The following UHRF2 variants were observed in gnomAD, a reference collection of about 807,000 sequenced individuals.
UHRF2 encodes ubiquitin like with PHD and ring finger domains 2.
A neutral mutation model predicts 96.8 loss-of-function variants in UHRF2; 23 were observed. The observed-to-expected ratio is 0.24, with a 90% CI of 0.17 to 0.34. The LOEUF (loss-of-function observed/expected upper bound fraction) is 0.34, where lower values mean the gene tolerates loss of function less well. Among genes scored for constraint, UHRF2 ranks in the 10% least tolerant of loss-of-function variants. UHRF2 has a pLI of 1.00. For synonymous variants in UHRF2, 385 were observed against 332.6 expected, an observed-to-expected ratio of 1.16 and a Z score of -1.72; for missense variants, 685 against 981.5, an observed-to-expected ratio of 0.70 and a Z score of 4.04.
At chr9:6,478,874 C>T (rs2130902414) in intron 6 of UHRF2, among the ~76,000 whole-genome samples, 1 of 152,346 alleles carries the variant, frequency 6.6e-6, no homozygotes, top group Non-Finnish European at 1.5e-5. Flanking sequence ...TATGATCACA[C>T]TCTGAATTTT....
At chr9:6,491,602 T>A (rs1390482331) in intron 9 of UHRF2, among the ~76,000 whole-genome samples, 1 of 152,208 alleles carries the variant, frequency 6.6e-6, no homozygotes. Context: ...GGCTGAGAAG[T>A]TTGGGATAAA....
intron 3 of UHRF2, among the ~76,000 whole-genome samples, chr9:6,437,082 T>G (rs1021918962): frequency 6.6e-6 from 1 of 152,212 alleles, no homozygotes; most frequent in African/African-American, 2.4e-5. Context: ...TGTTAAAGTT[T>G]CATTCTTTGT....
Position 6,421,156 on chromosome 9 carries a change from T to G in UHRF2, c.384+14T>G. 1 of 1,568,052 alleles carries G rather than the reference T, an allele frequency of 6.4e-7. No individual in the cohort carries two copies. Among genetic ancestry groups the G allele is most frequent in the Non-Finnish European group, 8.8e-7 (1 of 1,141,896 alleles). ...GGAATATATAAGGTATGTTGTTTTC[T>G]TCAGACTTACTGTTGTGAGAATACA... On this transcript the variant is annotated intron_variant, in intron 2 of 15. Coordinates refer to ENST00000276893, the MANE Select transcript of UHRF2 (RefSeq NM_152896.3).
chr9:6,470,736 A>C (rs1278415218), intron 4 of UHRF2, among the ~76,000 whole-genome samples: 1 of 152,244 alleles, frequency 6.6e-6, no homozygotes, highest in Non-Finnish European at 1.5e-5. Context: ...GTAAAATTTA[A>C]AGTAGATTAT....
At chr9:6,431,864 C>T (rs1820578907) in intron 2 of UHRF2, among the ~76,000 whole-genome samples, 1 of 152,168 alleles carries the variant, frequency 6.6e-6, no homozygotes, top group African/African-American at 2.4e-5. Flanking sequence ...TGTGTTTTTG[C>T]TGTTACCATT....
chr9:6,461,155 A>G (rs1208241977), intron 4 of UHRF2, among the ~76,000 whole-genome samples: 4 of 152,204 alleles, frequency 2.6e-5, no homozygotes, highest in Admixed American at 6.5e-5. Flanking sequence ...GTGGATGACT[A>G]CTTAACCAGC....
intron 9 of UHRF2, among the ~76,000 whole-genome samples, chr9:6,491,594 C>A (rs1824663683): frequency 1.3e-5 from 2 of 152,278 alleles, no homozygotes; most frequent in Admixed American, 1.3e-4. Flanking sequence ...AGGGAGGAGG[C>A]TGAGAAGTTT....
At chr9:6,459,640 G>T (rs982737282) in intron 3 of UHRF2, among the ~76,000 whole-genome samples, 1 of 152,200 alleles carries the variant, frequency 6.6e-6, no homozygotes, top group Non-Finnish European at 1.5e-5. Flanking sequence ...CTGCACTCCA[G>T]CCTGGCTGAC....
At chr9:6,479,206 AT>A (rs1823775180) in intron 6 of UHRF2, among the ~76,000 whole-genome samples, 1 of 151,754 alleles carries the variant, frequency 6.6e-6, no homozygotes, top group African/African-American at 2.4e-5. Context: ...AATTGTTTCC[AT>A]TTCCTCTCCT....
chr9:6,482,719 C>T (rs911603552), intron 8 of UHRF2, among the ~76,000 whole-genome samples: 1 of 151,798 alleles, frequency 6.6e-6, no homozygotes, highest in African/African-American at 2.4e-5. Context: ...GCCTCAGCCT[C>T]CAAAGTAGCT....
intron 9 of UHRF2, among the ~76,000 whole-genome samples, chr9:6,490,621 C>G (rs142313225): frequency 6.6e-6 from 1 of 152,302 alleles, no homozygotes; most frequent in Non-Finnish European, 1.5e-5. Context: ...AAGTGAGACT[C>G]TGTCTTTAAA....
At chr9:6,458,841 G>C (rs1222310200) in intron 3 of UHRF2, among the ~76,000 whole-genome samples, 1 of 152,112 alleles carries the variant, frequency 6.6e-6, no homozygotes, top group Non-Finnish European at 1.5e-5. Flanking sequence ...TGATAGACTG[G>C]ATAAAGAAAA....
At chr9:6,486,781 G>GA in intron 8 of UHRF2, 40 bp from the exon 9 acceptor site, 1 of 1,591,718 alleles carries the variant, frequency 6.3e-7, no homozygotes, top group Non-Finnish European at 8.6e-7. Context: ...TATCTTAACT[G>GA]TTCAGAGGTA....
At position 6,413,606 on chromosome 9, in the gene UHRF2, G is replaced by A. The variant is rs2130692113; in HGVS notation, c.116G>A (p.Arg39Gln). Reference protein sequence around the residue: ...RERVWALFDVRPECQRLFYRG... With the variant: ...RERVWALFDVQPECQRLFYRG... ...CGGGTGTGGGCGCTGTTCGACGTGC[G>A]GCCCGAATGCCAGCGCCTCTTCTAC... Residue 39 changes from arginine to glutamine, a missense_variant, in exon 1 of 16, where the codon CGG (arginine) becomes CAG (glutamine). Physicochemically the swap from Arg to Gln is conservative, Grantham distance 43. This residue lies in a region of UHRF2 where 13 missense variants were observed against 37.3 expected (regional missense o/e 0.35). Coordinates refer to ENST00000276893, the MANE Select transcript of UHRF2 (RefSeq NM_152896.3). The A allele has an allele frequency of 6.3e-7, 1 of 1,599,990 alleles. No homozygotes were observed. Among genetic ancestry groups the A allele is most frequent in the Middle Eastern group, 1.7e-4 (1 of 5,798 alleles).
intron 4 of UHRF2, among the ~76,000 whole-genome samples, chr9:6,463,760 C>G (rs180929440): frequency 6.6e-6 from 1 of 151,888 alleles, no homozygotes; most frequent in South Asian, 2.1e-4. Flanking sequence ...TATGAGCCAC[C>G]GTGTCTGGAG....
At chr9:6,418,144 GTT>G in intron 1 of UHRF2, among the ~76,000 whole-genome samples, 1 of 151,940 alleles carries the variant, frequency 6.6e-6, no homozygotes, top group African/African-American at 2.4e-5. Context: ...TTTGTTTTGG[GTT>G]TTTTTGTGGG....
At chr9:6,465,158 A>T (rs1298826530) in intron 4 of UHRF2, among the ~76,000 whole-genome samples, 2 of 152,182 alleles carry the variant, frequency 1.3e-5, no homozygotes, top group Non-Finnish European at 2.9e-5. Flanking sequence ...TCCAAGAGAA[A>T]ACATATAAAA....
At chr9:6,416,569 G>A (rs1294035684) in intron 1 of UHRF2, among the ~76,000 whole-genome samples, 2 of 117,028 alleles carry the variant, frequency 1.7e-5, no homozygotes, top group Non-Finnish European at 3.3e-5. Context: ...TTGAGACGGA[G>A]TCTCGTTCTG....
In UHRF2 at chr9:6,481,710, A is replaced by G; in HGVS notation, c.1228A>G (p.Lys410Glu). ...GGCTGGTGAAAGACTCAAGATGAGT[A>G]AAAAGAAAGCAAAGATGCCGTCAGC... Reference protein sequence around the residue: ...VKAGERLKMSKKKAKMPSAST... With the variant: ...VKAGERLKMSEKKAKMPSAST... Residue 410 changes from lysine (K) to glutamate (E), a missense_variant, in exon 7 of 16, where the codon AAA (lysine) becomes GAA (glutamate). Physicochemically the swap from Lys to Glu is moderately conservative, Grantham distance 56. Coordinates refer to ENST00000276893, the MANE Select transcript of UHRF2 (RefSeq NM_152896.3). 2 of 1,613,960 alleles carry G rather than the reference A, an allele frequency of 1.2e-6. No homozygotes were observed. The highest frequency in any genetic ancestry group is 1.3e-5 in the African/African-American group (1 of 75,030).
Sources: allele counts gnomAD v4.1 joint callset (sites outside exome capture counted in the v4.1 genomes callset), GRCh38; gene constraint gnomAD v4.1.1; regional missense constraint gnomAD v4.1.1; transcripts MANE v1.5; gene names NCBI Gene and HGNC (gene_info 2026-07-23, HGNC 2026-07-21).